Variants in NLRP13 observed in about 807,000 individuals in gnomAD.
The protein encoded by NLRP13 is NACHT, LRR and PYD domains-containing protein 13.
In NLRP13, 82 loss-of-function variants were observed where a neutral mutation model predicts 94.4. That is an observed-to-expected ratio of 0.87 (90% CI 0.73 to 1.04). The LOEUF (loss-of-function observed/expected upper bound fraction) is 1.04. Among genes scored for constraint, NLRP13 ranks in the 50% least tolerant of loss-of-function variants. The pLI is 0.00. For missense variants in NLRP13, 1,426 were observed against 1,230.8 expected (o/e 1.16, Z -2.37); for synonymous variants, 553 against 464.7 (o/e 1.19, Z -2.45).
chr19:55,907,993 G>A lies in NLRP13; in HGVS notation c.2283-37C>T, dbSNP rs761472862. 14 of 1,562,244 alleles carry A rather than the reference G, an allele frequency of 9.0e-6. No individual in the cohort carries two copies. The East Asian group carries it at 2.5e-4, about 28-fold the overall frequency. ...AAGGGACATGAAAGCTGGATTGGGG[G>A]AGAAGACTGGTTTCCAGGATCCCGT... is the stretch of plus-strand genomic sequence containing the variant. On this transcript the variant is annotated intron_variant, in intron 6 of 10. Transcript: ENST00000342929.
intron 4 of NLRP13, among the ~76,000 whole-genome samples, chr19:55,916,766 G>A (rs1277342325): frequency 6.6e-6 from 1 of 152,062 alleles, no homozygotes. Flanking sequence ...TGAGGGAGAA[G>A]AAAGAGCAAA....
chr19:55,919,150 G>GCA (rs1247182829), intron 4 of NLRP13, among the ~76,000 whole-genome samples: 1 of 152,094 alleles, frequency 6.6e-6, no homozygotes, highest in Non-Finnish European at 1.5e-5. Context: ...ATGCATAGAA[G>GCA]CATTTGGTAA....
At chr19:55,904,568 A>G (rs1188322911) in intron 8 of NLRP13, among the ~76,000 whole-genome samples, 1 of 151,978 alleles carries the variant, frequency 6.6e-6, no homozygotes, top group Non-Finnish European at 1.5e-5. Flanking sequence ...CTTCATATCT[A>G]TTGTTTTGTT....
chr19:55,921,786 G>A (rs1986834812), intron 4 of NLRP13, among the ~76,000 whole-genome samples: 1 of 152,098 alleles, frequency 6.6e-6, no homozygotes, highest in African/African-American at 2.4e-5. Flanking sequence ...TGGCAATGAG[G>A]CCACAGAGTT....
chr19:55,903,382 T>C (rs376886220), intron 8 of NLRP13, among the ~76,000 whole-genome samples: 1 of 152,118 alleles, frequency 6.6e-6, no homozygotes, highest in East Asian at 1.9e-4. Flanking sequence ...CTTTTTATAC[T>C]CACCTGACAA....
intron 7 of NLRP13, among the ~76,000 whole-genome samples, chr19:55,907,201 G>A (rs1400100677): frequency 6.6e-6 from 1 of 151,776 alleles, no homozygotes; most frequent in Non-Finnish European, 1.5e-5. Flanking sequence ...CTCATGATTT[G>A]CCCCACTCCA....
At chr19:55,913,548 C>CAAAAAATAAAAAAAA (rs1986594694) in intron 4 of NLRP13, among the ~76,000 whole-genome samples, 1 of 52,056 alleles carries the variant, frequency 1.9e-5, no homozygotes, top group Non-Finnish European at 4.0e-5. Flanking sequence ...GACTCCGTCT[C>CAAAAAATAAAAAAAA]AAAAAAAAAA....
At chr19:55,910,501 AAGAG>A in intron 6 of NLRP13, 58 bp downstream of exon 6, 1 of 1,434,750 alleles carries the variant, frequency 7.0e-7, no homozygotes, top group South Asian at 1.5e-5. Context: ...CACTCATCAA[AAGAG>A]AGAAGTTGGG....
At chr19:55,901,512 T>G (rs189437972) in intron 9 of NLRP13, among the ~76,000 whole-genome samples, 1 of 152,086 alleles carries the variant, frequency 6.6e-6, no homozygotes, top group Non-Finnish European at 1.5e-5. Flanking sequence ...CTAATACTGA[T>G]AAGCCACTGG....
intron 8 of NLRP13, among the ~76,000 whole-genome samples, chr19:55,904,253 T>C (rs982151377): frequency 1.3e-5 from 2 of 152,096 alleles, no homozygotes; most frequent in South Asian, 4.2e-4. Context: ...GCCCGACTAA[T>C]TTTTTGTGTA....
chr19:55,903,146 G>C (rs1986237354), intron 8 of NLRP13, among the ~76,000 whole-genome samples: 1 of 152,024 alleles, frequency 6.6e-6, no homozygotes, highest in Non-Finnish European at 1.5e-5. Flanking sequence ...ATTATAATTA[G>C]TTATAATGGT....
chr19:55,910,563 G>A lies in NLRP13; in HGVS notation c.2282C>T (p.Thr761Met), dbSNP rs773861382. 27 of 1,593,040 alleles carry A rather than the reference G, an allele frequency of 1.7e-5. No individual in the cohort carries two copies. The highest frequency in any genetic ancestry group is 1.7e-4 in the Middle Eastern group (1 of 5,946). Residue 761 changes from threonine (T) to methionine (M), a missense_variant and splice_region_variant, in exon 6 of 11, where the codon ACG becomes ATG. Thr to Met is a moderately conservative substitution (Grantham distance 81). Coordinates refer to ENST00000342929, the MANE Select transcript of NLRP13 (RefSeq NM_176810.2). ...TGAGCTGCTGGCGTCTCACACTTAC[G>A]TCAGTTTCTGGACTTTGCATCTTGG... is the stretch of plus-strand genomic sequence containing the variant. ...KNPRCKVQKL[T>M]CKSVTPEWVL...
At chr19:55,903,115 T>A (rs1416185192) in intron 8 of NLRP13, among the ~76,000 whole-genome samples, 2 of 152,030 alleles carry the variant, frequency 1.3e-5, no homozygotes, top group Non-Finnish European at 2.9e-5. Context: ...GTTGTAATAA[T>A]ATATTAGGGT....
intron 4 of NLRP13, among the ~76,000 whole-genome samples, chr19:55,913,769 G>T (rs922502898): frequency 6.6e-6 from 1 of 151,742 alleles, no homozygotes; most frequent in South Asian, 2.1e-4. Context: ...ACTTTCAGGC[G>T]GGGGGAAGGC....
chr19:55,898,965 G>T (rs989659221), intron 9 of NLRP13, 28 bp from the exon 10 acceptor site: 69 of 1,600,062 alleles, frequency 4.3e-5, no homozygotes, highest in Admixed American at 8.7e-5. Context: ...ACAAAAGGGG[G>T]GAAAGTAATT....
chr19:55,904,510 G>A (rs1262152094), intron 8 of NLRP13, among the ~76,000 whole-genome samples: 1 of 152,152 alleles, frequency 6.6e-6, no homozygotes. Flanking sequence ...ACCCTGCTGG[G>A]AAATCAACCC....
At chr19:55,895,621 T>G (rs1025104527), downstream of NLRP13, among the ~76,000 whole-genome samples, 1 of 152,068 alleles carries the variant, frequency 6.6e-6, no homozygotes, top group Non-Finnish European at 1.5e-5. Context: ...AGGTGGAGGT[T>G]GCAGTGAATC....
intron 6 of NLRP13, 136 bp from the exon 7 acceptor site, chr19:55,908,092 G>A: frequency 1.3e-6 from 1 of 749,278 alleles, no homozygotes; most frequent in Non-Finnish European, 2.1e-6. Flanking sequence ...TAAAAACAAG[G>A]GCTGAGCCAT....
chr19:55,922,922 T>C (rs1328332751), intron 4 of NLRP13, among the ~76,000 whole-genome samples: 1 of 151,546 alleles, frequency 6.6e-6, no homozygotes, highest in East Asian at 1.9e-4. Context: ...CCCCAAAGAG[T>C]AGTGGGTGGA....
Sources: allele counts gnomAD v4.1 joint callset (sites outside exome capture counted in the v4.1 genomes callset), GRCh38; gene constraint gnomAD v4.1.1; transcripts MANE v1.5; gene names NCBI Gene and HGNC (gene_info 2026-07-23, HGNC 2026-07-21).